The following MMP16 variants were observed in gnomAD, a reference collection of about 807,000 sequenced individuals.
MMP16 encodes matrix metalloproteinase-16.
In MMP16, 12 loss-of-function variants were observed where a neutral mutation model predicts 67.8. That is an observed-to-expected ratio of 0.18 (90% confidence interval 0.11 to 0.29). The LOEUF (loss-of-function observed/expected upper bound fraction) is 0.29. MMP16 is among the 10% of genes least tolerant of loss of function. MMP16 has a pLI of 1.00. For missense variants in MMP16, 475 were observed against 765.7 expected, an observed-to-expected ratio of 0.62 and a Z score of 4.48; for synonymous variants, 249 against 255.9, an observed-to-expected ratio of 0.97 and a Z score of 0.26.
chr8:88,289,532 C>T lies in MMP16; in HGVS notation c.132+37543G>A, dbSNP rs963240686. Among the ~76,000 whole-genome samples the T allele has an allele frequency of 3.9e-5, 6 of 152,226 alleles. No individual in the cohort carries two copies. The East Asian group carries it at 1.2e-3, about 29-fold the overall frequency. On this transcript the variant is annotated intron_variant, in intron 1 of 9. Transcript: ENST00000286614. ...ATATTTGTACATCTACACATACACGCACACAAAGCATTTTTGCAATATAGT... is the reference window on the plus strand; with the variant it reads ...ATATTTGTACATCTACACATACACGTACACAAAGCATTTTTGCAATATAGT...
chr8:88,155,808 T>C (rs1476180755), intron 4 of MMP16, among the ~76,000 whole-genome samples: 2 of 152,110 alleles, frequency 1.3e-5, no homozygotes, highest in African/African-American at 4.8e-5. Flanking sequence ...TCCAATATTG[T>C]TTTTCTGGTT....
At chr8:88,108,107 G>T (rs1329327381) in intron 6 of MMP16, among the ~76,000 whole-genome samples, 1 of 151,110 alleles carries the variant, frequency 6.6e-6, no homozygotes, top group Non-Finnish European at 1.5e-5. Flanking sequence ...TAAAATCCCT[G>T]TTTATACCTT....
At chr8:88,061,609 T>G (rs183181568) in intron 7 of MMP16, among the ~76,000 whole-genome samples, 119 of 152,124 alleles carry the variant, frequency 7.8e-4, no homozygotes, top group African/African-American at 2.8e-3. Context: ...GATGCCCTGG[T>G]GCATGGAGCA....
At chr8:88,086,319 C>T (rs1212150531) in intron 6 of MMP16, among the ~76,000 whole-genome samples, 1 of 151,928 alleles carries the variant, frequency 6.6e-6, no homozygotes, top group Non-Finnish European at 1.5e-5. Flanking sequence ...CCACACATTA[C>T]TGCTGTATGA....
intron 2 of MMP16, among the ~76,000 whole-genome samples, chr8:88,188,332 T>C (rs1033622488): frequency 1.3e-5 from 2 of 152,194 alleles, no homozygotes; most frequent in East Asian, 1.9e-4. Flanking sequence ...ACTTATCTCA[T>C]TGAAAGTACT....
intron 8 of MMP16, among the ~76,000 whole-genome samples, chr8:88,047,369 C>T (rs755356841): frequency 1.3e-5 from 2 of 151,884 alleles, no homozygotes; most frequent in Admixed American, 1.3e-4. Flanking sequence ...TGAGGATGGG[C>T]AATAAACCAA....
chr8:88,254,395 A>C (rs1158320000), intron 1 of MMP16, among the ~76,000 whole-genome samples: 1 of 151,972 alleles, frequency 6.6e-6, no homozygotes, highest in Non-Finnish European at 1.5e-5. Context: ...TCCATACAAC[A>C]AACTTCCATG....
At chr8:88,231,378 A>G (rs942593258) in intron 1 of MMP16, among the ~76,000 whole-genome samples, 3 of 152,178 alleles carry the variant, frequency 2.0e-5, no homozygotes, top group Non-Finnish European at 2.9e-5. Flanking sequence ...TTTATCTTAC[A>G]TATCTTCCAT....
At chr8:88,202,378 T>G (rs1265709171) in intron 1 of MMP16, among the ~76,000 whole-genome samples, 1 of 152,104 alleles carries the variant, frequency 6.6e-6, no homozygotes, top group Non-Finnish European at 1.5e-5. Context: ...ATGGTGTCAA[T>G]GCTGTGGAGA....
At chr8:88,082,377 A>C (rs1285482808) in intron 6 of MMP16, among the ~76,000 whole-genome samples, 1 of 152,140 alleles carries the variant, frequency 6.6e-6, no homozygotes, top group Non-Finnish European at 1.5e-5. Flanking sequence ...TAATAGCATG[A>C]CATACATATT....
intron 1 of MMP16, among the ~76,000 whole-genome samples, chr8:88,204,325 T>G (rs1223423271): frequency 6.6e-6 from 1 of 152,196 alleles, no homozygotes; most frequent in African/African-American, 2.4e-5. Context: ...AGGCTCATGA[T>G]TTATAACCAG....
At chr8:88,094,978 A>C (rs1006283860) in intron 6 of MMP16, among the ~76,000 whole-genome samples, 1 of 151,794 alleles carries the variant, frequency 6.6e-6, no homozygotes, top group Non-Finnish European at 1.5e-5. Context: ...TATTTCATTC[A>C]CAGTAGTTTC....
intron 1 of MMP16, among the ~76,000 whole-genome samples, chr8:88,230,258 T>C (rs1222320198): frequency 6.6e-6 from 1 of 152,124 alleles, no homozygotes; most frequent in African/African-American, 2.4e-5. Context: ...ATGGGGACCA[T>C]ATGTGGGAAC....
At chr8:88,203,384 G>T (rs1273975984) in intron 1 of MMP16, among the ~76,000 whole-genome samples, 2 of 152,072 alleles carry the variant, frequency 1.3e-5, no homozygotes, top group Non-Finnish European at 2.9e-5. Context: ...TTACAGGCAT[G>T]AGCTACTGCG....
At chr8:88,114,010 C>G (rs1244753111) in intron 6 of MMP16, among the ~76,000 whole-genome samples, 1 of 151,876 alleles carries the variant, frequency 6.6e-6, no homozygotes, top group Non-Finnish European at 1.5e-5. Flanking sequence ...GTTTTGGAAT[C>G]AAGTAGATCT....
At chr8:88,060,208 A>G (rs950398093) in intron 7 of MMP16, among the ~76,000 whole-genome samples, 2 of 152,140 alleles carry the variant, frequency 1.3e-5, no homozygotes, top group Non-Finnish European at 2.9e-5. Context: ...GTGGTTAGGT[A>G]CATCTGAGCC....
chr8:88,286,138 C>T (rs1211069491), intron 1 of MMP16, among the ~76,000 whole-genome samples: 1 of 152,182 alleles, frequency 6.6e-6, no homozygotes, highest in Non-Finnish European at 1.5e-5. Context: ...CCACTCAATA[C>T]ACTTTTTCTT....
intron 1 of MMP16, among the ~76,000 whole-genome samples, chr8:88,221,064 T>C (rs535695285): frequency 3.3e-5 from 5 of 152,014 alleles, no homozygotes; most frequent in Non-Finnish European, 4.4e-5. Flanking sequence ...CCAGAAAGCT[T>C]CAGGACTTAG....
chr8:88,323,925 A>T (rs1465842112), intron 1 of MMP16, among the ~76,000 whole-genome samples: 2 of 152,186 alleles, frequency 1.3e-5, no homozygotes, highest in Non-Finnish European at 2.9e-5. Context: ...CCTCTGATTC[A>T]GACTGCTGTC....
Sources: gnomAD v4.1 joint callset for allele counts (sites outside exome capture counted in the v4.1 genomes callset) on GRCh38, gnomAD v4.1.1 for gene constraint, MANE v1.5 for transcripts, NCBI Gene and HGNC (gene_info 2026-07-23, HGNC 2026-07-21) for gene names.